The following GNPDA2 variants were observed in gnomAD, a reference collection of about 807,000 sequenced individuals.
GNPDA2 encodes glcN6P deaminase 2.
Under a neutral mutation model 27.0 loss-of-function variants are expected in GNPDA2, and 24 were observed. The observed-to-expected ratio is 0.89, with a 90% CI of 0.64 to 1.25. The LOEUF (loss-of-function observed/expected upper bound fraction) is 1.25, where lower values mean the gene tolerates loss of function less well. Among genes scored for constraint, GNPDA2 ranks in the 50% most tolerant of loss-of-function variants. The pLI, the probability that GNPDA2 is intolerant of heterozygous loss-of-function variation, is 0.00. For missense variants in GNPDA2, 286 were observed against 335.1 expected (o/e 0.85, Z 1.14); for synonymous variants, 94 against 108.4 (o/e 0.87, Z 0.83).
At chr4:44,713,603 G>C (rs1351573236) in intron 4 of GNPDA2, among the ~76,000 whole-genome samples, 1 of 152,132 alleles carries the variant, frequency 6.6e-6, no homozygotes, top group Non-Finnish European at 1.5e-5. Flanking sequence ...TATTAGGCCG[G>C]GTGCAGTGGC....
At chr4:44,705,041 C>G (rs1011193295) in intron 6 of GNPDA2, 8 of 980,704 alleles carry the variant, frequency 8.2e-6, no homozygotes, top group Non-Finnish European at 9.7e-6. Context: ...AATAAACTTG[C>G]ATTTACTGAC....
At chr4:44,708,037 A>G in intron 5 of GNPDA2, 111 bp from the exon 6 acceptor site, 1 of 640,464 alleles carries the variant, frequency 1.6e-6, no homozygotes, top group Non-Finnish European at 2.6e-6. Flanking sequence ...AGAAAGAAAA[A>G]TACATAGCTC....
At position 44,711,103 on chromosome 4, in the gene GNPDA2, C is replaced by A; in HGVS notation, c.444G>T (p.Glu148Asp). 1 of 1,608,306 alleles carries A rather than the reference C, an allele frequency of 6.2e-7. No homozygotes were observed. The highest frequency in any genetic ancestry group is 8.5e-7 in the Non-Finnish European group (1 of 1,177,958). The change falls in exon 5 of 7, where the codon GAG (glutamate) becomes GAT (aspartate). Residue 148 changes from glutamate to aspartate, a missense_variant. By Grantham distance (45) the Glu-to-Asp change is conservative (BLOSUM62 2). Coordinates refer to ENST00000295448, the MANE Select transcript of GNPDA2 (RefSeq NM_138335.3). ...TCCTTGACACTAAACTGGATCCAGG[C>A]TCATTGAAAGCGATATGACCATCTG... ...IGPDGHIAFN[E>D]PGSSLVSRTR...
intron 6 of GNPDA2, chr4:44,704,924 A>G: frequency 2.0e-6 from 2 of 983,526 alleles, no homozygotes; most frequent in Non-Finnish European, 2.4e-6. Flanking sequence ...AAAAGCAAAA[A>G]TGAAAAGCGA....
intron 4 of GNPDA2, chr4:44,714,446 A>AG (rs1717159667): frequency 3.0e-6 from 3 of 985,060 alleles, no homozygotes; most frequent in Non-Finnish European, 2.4e-6. Context: ...CCTCAGAGGA[A>AG]AGGGACCTCT....
chr4:44,723,228 T>A (rs1337749589), intron 1 of GNPDA2, among the ~76,000 whole-genome samples: 1 of 152,238 alleles, frequency 6.6e-6, no homozygotes, highest in Non-Finnish European at 1.5e-5. Context: ...TTCTGTTATC[T>A]GTAAGACATA....
chr4:44,708,113 G>T (rs1397522760), intron 5 of GNPDA2, among the ~76,000 whole-genome samples, 187 bp from the exon 6 acceptor site: 1 of 152,006 alleles, frequency 6.6e-6, no homozygotes, highest in Admixed American at 6.6e-5. Flanking sequence ...GTTGCTTCTA[G>T]TTTAACAAAG....
intron 4 of GNPDA2, among the ~76,000 whole-genome samples, chr4:44,716,865 CG>C (rs375099591): frequency 1.3e-5 from 2 of 151,792 alleles, no homozygotes; most frequent in African/African-American, 4.8e-5. Context: ...CAGAGTTTAA[CG>C]GGGATTGGGA....
chr4:44,723,252 T>C (rs28695901), intron 1 of GNPDA2, among the ~76,000 whole-genome samples: 94 of 152,250 alleles, frequency 6.2e-4, no homozygotes, highest in Middle Eastern at 3.4e-3. Flanking sequence ...TTTTCCTTTT[T>C]TTTAAAAAAA....
Position 44,703,136 on chromosome 4 carries a change from A to AT in GNPDA2, c.775dup (p.Met259AsnfsTer6), listed in dbSNP as rs1309055499. 3 of 1,609,156 alleles carry AT rather than the reference A, an allele frequency of 1.9e-6. No individual in the cohort carries two copies. The highest frequency in any genetic ancestry group is 2.5e-6 in the Non-Finnish European group (3 of 1,178,442). On this transcript the variant is annotated frameshift_variant, in exon 7 of 7. Transcript: ENST00000295448. LOFTEE classifies it high-confidence loss of function. The stretch of plus-strand genomic sequence containing the variant: ...ATCCACAAGTTTATTGTGCACATGC[A>AT]TTAGACCTTAAAGAAAAAAAGCACA...
At position 44,702,096 on chromosome 4, in the gene GNPDA2, T is replaced by C. The variant is rs1014549315; in HGVS notation, c.*985A>G. 6 of 982,758 alleles carry C rather than the reference T, an allele frequency of 6.1e-6. No individual in the cohort carries two copies. The highest frequency in any genetic ancestry group is 6.2e-5 in the Admixed American group (1 of 16,218). 60.9% of individuals were successfully genotyped at this position (982,758 alleles called of 1,614,324 possible). ...AATGAATGCAGGTTCACATGTACTA[T>C]AATTGTTGGGAGTCGAATGCATGTA... On this transcript the variant is annotated 3_prime_UTR_variant, in exon 7 of 7. Transcript: ENST00000295448.
In GNPDA2 at chr4:44,711,211, CA is replaced by C. The variant is rs199631133; in HGVS notation, c.410-75del. ...ACAAAGTTCAATGTGCGTTAAAGAA[CA>C]AAAAAAAAATCACCTTGTTTTATTT... On this transcript the variant is annotated intron_variant, in intron 4 of 6. Coordinates refer to ENST00000295448, the MANE Select transcript of GNPDA2 (RefSeq NM_138335.3). The C allele has an allele frequency of 1.5e-3, 1,290 of 852,644 alleles. 2 individuals are homozygous for C. The highest frequency in any genetic ancestry group is 6.1e-3 in the African/African-American group (333 of 54,332). 52.8% of individuals were successfully genotyped at this position (852,644 alleles called of 1,614,324 possible). A position where few individuals can be genotyped will look rare whatever the true frequency, so the allele number is the denominator to read the frequency against.
intron 6 of GNPDA2, chr4:44,705,554 A>G (rs1290225578): frequency 4.5e-6 from 3 of 663,710 alleles, no homozygotes; most frequent in Non-Finnish European, 5.6e-6. Context: ...AATACATATA[A>G]ACATCTACCA....
At chr4:44,706,848 C>T (rs1423647564) in intron 6 of GNPDA2, 2 of 151,798 alleles carry the variant, frequency 1.3e-5, no homozygotes, top group Non-Finnish European at 2.9e-5. Flanking sequence ...AAAATAAATA[C>T]CTAGTTACTA....
At chr4:44,712,321 A>G (rs1395517265) in intron 4 of GNPDA2, among the ~76,000 whole-genome samples, 5 of 152,114 alleles carry the variant, frequency 3.3e-5, no homozygotes, top group African/African-American at 7.2e-5. Context: ...TTAGCACACA[A>G]GTTTAACAAA....
rs113981189 is a variant in GNPDA2 at position 44,717,366 on chromosome 4, A to G, written c.227-71T>C. 269 of 818,146 alleles carry G rather than the reference A, an allele frequency of 3.3e-4. 2 individuals carry two copies. The African/African-American group carries it at 4.2e-3, about 13-fold the overall frequency. 50.7% of individuals were successfully genotyped at this position (818,146 alleles called of 1,614,324 possible). ...TAAAGTTTATTTTTCTTTTTAAGTC[A>G]TAAGTGCTATTTAATAAATCTAACT... On this transcript the variant is annotated intron_variant, in intron 3 of 6. Coordinates refer to ENST00000295448, the MANE Select transcript of GNPDA2 (RefSeq NM_138335.3).
rs890885891 is a variant in GNPDA2, at chr4:44,702,782, T to A, written c.*299A>T. 3.6e-5 allele frequency: 44 copies of A among 1,205,984 alleles called. No homozygotes were observed. Among genetic ancestry groups the A allele is most frequent in the Non-Finnish European group, 4.3e-5 (42 of 969,924 alleles). The allele number at this position is 1,205,984 out of a possible 1,614,324, so 74.7% of individuals were successfully genotyped here. On this transcript the variant is annotated 3_prime_UTR_variant, in exon 7 of 7. Coordinates refer to ENST00000295448, the MANE Select transcript of GNPDA2 (RefSeq NM_138335.3). The stretch of plus-strand genomic sequence containing the variant: ...CACAAATGGTGCCTGATGTGGACAC[T>A]CTACCTTTAAAATGACTTTTTAAAC...
intron 6 of GNPDA2, chr4:44,706,945 CTA>C (rs1320078037): frequency 6.6e-5 from 10 of 152,004 alleles, no homozygotes; most frequent in East Asian, 1.9e-4. Flanking sequence ...ATATGATCAA[CTA>C]TGTAACTTTT....
chr4:44,705,353 A>G (rs1716525317), intron 6 of GNPDA2: 2 of 984,980 alleles, frequency 2.0e-6, no homozygotes, highest in Non-Finnish European at 2.4e-6. Flanking sequence ...GTAGCCCAGA[A>G]TGTCTAAATT....
Sources: allele counts gnomAD v4.1 joint callset (sites outside exome capture counted in the v4.1 genomes callset), GRCh38; gene constraint gnomAD v4.1.1; transcripts MANE v1.5; gene names NCBI Gene and HGNC (gene_info 2026-07-23, HGNC 2026-07-21).